The following SMC3 variants were observed in gnomAD, a reference collection of about 807,000 sequenced individuals.
The protein encoded by SMC3 is structural maintenance of chromosomes 3, also known as structural maintenance of chromosomes protein 3.
SMC3 carries 20 observed loss-of-function variants against 171.8 expected under a neutral mutation model. That is an observed-to-expected ratio of 0.12 (90% CI 0.08 to 0.17). SMC3 has a LOEUF of 0.17. Ranked by LOEUF, SMC3 falls within the 10% of genes least tolerant of loss-of-function variation. The probability of loss-of-function intolerance (pLI) is 1.00; values close to 1 mark genes in which losing one functional copy is unlikely to be tolerated. For missense variants in SMC3, 543 were observed against 1,420.4 expected (o/e 0.38, Z 9.93); for synonymous variants, 464 against 451.1 (o/e 1.03, Z -0.36).
At chr10:110,587,371 G>C (rs1221534186) in intron 13 of SMC3, among the ~76,000 whole-genome samples, 3 of 152,190 alleles carry the variant, frequency 2.0e-5, no homozygotes, top group Admixed American at 2.0e-4. Context: ...AAAAAACAAA[G>C]TATGTAGGAC....
At chr10:110,589,849 A>T (rs1406322883) in intron 14 of SMC3, 43 bp from the exon 15 acceptor site, 1 of 1,565,482 alleles carries the variant, frequency 6.4e-7, no homozygotes, top group South Asian at 1.1e-5. Flanking sequence ...ATGCATCCTC[A>T]TATGTGTTTA....
Position 110,593,234 on chromosome 10 carries a change from C to T in SMC3, c.1963+11C>T. ...GTATTACTTTGGAAGGTTTGTAATACTAATTCTTAGCTTTAAACAGATAAA... is the reference window on the plus strand; with the variant it reads ...GTATTACTTTGGAAGGTTTGTAATATTAATTCTTAGCTTTAAACAGATAAA... On this transcript the variant is annotated intron_variant, in intron 18 of 28. Coordinates refer to ENST00000361804, the MANE Select transcript of SMC3 (RefSeq NM_005445.4). 6.2e-7 allele frequency: 1 copy of T among 1,612,738 alleles called. No homozygotes were observed. Among genetic ancestry groups the T allele is most frequent in the South Asian group, 1.1e-5 (1 of 91,054 alleles).
chr10:110,590,134 T>G, intron 15 of SMC3, 143 bp downstream of exon 15: 1 of 737,106 alleles, frequency 1.4e-6, no homozygotes, highest in Non-Finnish European at 2.3e-6. Context: ...TATGAAATGA[T>G]AGAGATTAAA....
At chr10:110,597,964 G>A (rs1313442748) in intron 19 of SMC3, among the ~76,000 whole-genome samples, 175 bp from the exon 20 acceptor site, 1 of 152,116 alleles carries the variant, frequency 6.6e-6, no homozygotes, top group Non-Finnish European at 1.5e-5. Flanking sequence ...GCTTCTTTAT[G>A]ATTGAATGCA....
At chr10:110,567,976 A>T in intron 1 of SMC3, 145 bp downstream of exon 1, 3 of 1,020,852 alleles carry the variant, frequency 2.9e-6, no homozygotes, top group Non-Finnish European at 4.4e-6. Context: ...GAGGAGGGAG[A>T]CCCGGGTCCC....
intron 2 of SMC3, 146 bp downstream of exon 2, chr10:110,569,159 T>C (rs886273609): frequency 5.1e-5 from 34 of 672,978 alleles, no homozygotes; most frequent in South Asian, 1.8e-4. Context: ...TTCTGTCTTA[T>C]TGCACTGATG....
intron 7 of SMC3, among the ~76,000 whole-genome samples, chr10:110,579,787 G>C (rs911517436): frequency 1.3e-5 from 2 of 152,130 alleles, no homozygotes; most frequent in Non-Finnish European, 2.9e-5. Flanking sequence ...CAATAATGAG[G>C]ATCTGAAGGA....
chr10:110,596,581 T>TA, intron 19 of SMC3, 31 bp downstream of exon 19: 1 of 1,600,454 alleles, frequency 6.2e-7, no homozygotes, highest in Non-Finnish European at 8.6e-7. Context: ...TAGTGATAGA[T>TA]ATTGTGGGGG....
Position 110,601,057 on chromosome 10 carries a change from T to C in SMC3, c.2571T>C (p.Thr857=). Reference sequence around the variant, plus strand: ...AGCTGAGAGAGACAGAAGGGGGTACTGTTCTCACAGCCACAACATCAGAAC... The same window carrying C: ...AGCTGAGAGAGACAGAAGGGGGTACCGTTCTCACAGCCACAACATCAGAAC... The part of the protein sequence containing the change: ...LNELRETEGG[T]VLTATTSELE... The change falls in exon 23 of 29, where the codon ACT becomes ACC. Residue 857 remains threonine (T), a synonymous_variant. Coordinates refer to ENST00000361804, the MANE Select transcript of SMC3 (RefSeq NM_005445.4). 6.2e-7 allele frequency: 1 copy of C among 1,613,544 alleles called. No individual in the cohort carries two copies. Among genetic ancestry groups the C allele is most frequent in the African/African-American group, 1.3e-5 (1 of 75,040 alleles).
At chr10:110,593,005 A>G in intron 17 of SMC3, 68 bp from the exon 18 acceptor site, 1 of 1,241,844 alleles carries the variant, frequency 8.1e-7, no homozygotes, top group Non-Finnish European at 1.2e-6. Flanking sequence ...ATAAAGATGT[A>G]ATTTCATAAT....
intron 1 of SMC3, 37 bp downstream of exon 1, chr10:110,567,868 G>A (rs749268683): frequency 1.2e-6 from 2 of 1,612,240 alleles, no homozygotes; most frequent in Non-Finnish European, 1.7e-6. Context: ...GTCATGGGCC[G>A]GTAAGGGCCG....
intron 15 of SMC3, 40 bp downstream of exon 15, chr10:110,590,031 C>A: frequency 1.3e-6 from 2 of 1,528,946 alleles, no homozygotes; most frequent in South Asian, 1.1e-5. Context: ...TACACTGAGT[C>A]ATTGAGTTAA....
In SMC3 at chr10:110,590,962, A is replaced by C. The variant is rs745775548; in HGVS notation, c.1671-29A>C. On this transcript the variant is annotated intron_variant, in intron 16 of 28. Transcript: ENST00000361804. ...CATAGGGAGACCCTGAGTACCAATA[A>C]AGATTTGTCTTACTCTGTTTATATT... 60 of 1,608,540 alleles carry C rather than the reference A, an allele frequency of 3.7e-5. No homozygotes were observed. The South Asian group carries it at 6.4e-4, about 17-fold the overall frequency.
chr10:110,570,463 A>C (rs141930702), intron 2 of SMC3, among the ~76,000 whole-genome samples: 2,554 of 152,316 alleles, frequency 0.017, 32 homozygotes, highest in Non-Finnish European at 0.027. Context: ...CTGTCTACTG[A>C]AGTCATTTAA....
At chr10:110,604,139 T>TA in intron 28 of SMC3, 92 bp from the exon 29 acceptor site, 1 of 712,312 alleles carries the variant, frequency 1.4e-6, no homozygotes, top group Non-Finnish European at 2.4e-6. Context: ...AAAATGTAGT[T>TA]AAATGTAGTT....
intron 18 of SMC3, among the ~76,000 whole-genome samples, chr10:110,594,841 C>G (rs1488705010): frequency 6.6e-6 from 1 of 152,088 alleles, no homozygotes; most frequent in Non-Finnish European, 1.5e-5. Context: ...TAAGAACATT[C>G]TTTTGTATAG....
At chr10:110,597,153 AAAAAAG>A (rs1861313377) in intron 19 of SMC3, among the ~76,000 whole-genome samples, 1 of 151,960 alleles carries the variant, frequency 6.6e-6, no homozygotes, top group Non-Finnish European at 1.5e-5. Context: ...CAAAAAAAAA[AAAAAAG>A]GTGACAGGGG....
intron 18 of SMC3, among the ~76,000 whole-genome samples, chr10:110,594,261 A>G (rs1861259168): frequency 6.6e-6 from 1 of 151,604 alleles, no homozygotes; most frequent in Non-Finnish European, 1.5e-5. Flanking sequence ...TTTTTAATGC[A>G]TAAATTAAAA....
At chr10:110,600,217 GTTT>G (rs1861365023) in intron 21 of SMC3, among the ~76,000 whole-genome samples, 1 of 152,130 alleles carries the variant, frequency 6.6e-6, no homozygotes, top group Admixed American at 6.5e-5. Flanking sequence ...TAAAGAAACT[GTTT>G]TTGACAGCAT....
Sources: gnomAD v4.1 joint callset for allele counts (sites outside exome capture counted in the v4.1 genomes callset) on GRCh38, gnomAD v4.1.1 for gene constraint, MANE v1.5 for transcripts, NCBI Gene and HGNC (gene_info 2026-07-23, HGNC 2026-07-21) for gene names.